ROR1: variants seen among roughly 807,000 people sequenced by gnomAD.
ROR1 encodes the protein inactive tyrosine-protein kinase transmembrane receptor ROR1.
ROR1 carries 19 observed loss-of-function variants against 78.8 expected under a neutral mutation model. The ratio of observed to expected loss-of-function variants is 0.24; its 90% CI spans 0.17 to 0.35. ROR1 has a LOEUF of 0.35. ROR1 is among the 10% of genes least tolerant of loss of function. The probability of loss-of-function intolerance (pLI) is 1.00; values close to 1 mark genes in which losing one functional copy is unlikely to be tolerated. For synonymous variants in ROR1, 386 were observed against 433.6 expected, an observed-to-expected ratio of 0.89 and a Z score of 1.36; for missense variants, 917 against 1,177.8, an observed-to-expected ratio of 0.78 and a Z score of 3.24.
intron 1 of ROR1, among the ~76,000 whole-genome samples, chr1:63,782,871 G>A (rs1644661112): frequency 6.6e-6 from 1 of 152,190 alleles, no homozygotes; most frequent in African/African-American, 2.4e-5. Context: ...CAGCCAGTGA[G>A]TACAGAGTTG....
chr1:63,965,936 A>G (rs1646071224), intron 1 of ROR1, among the ~76,000 whole-genome samples: 2 of 152,342 alleles, frequency 1.3e-5, no homozygotes, highest in South Asian at 4.1e-4. Context: ...GTGATCTTAT[A>G]CAAGTCACTA....
intron 1 of ROR1, among the ~76,000 whole-genome samples, chr1:63,855,720 CT>C (rs1161460337): frequency 6.6e-6 from 1 of 151,224 alleles, no homozygotes; most frequent in Non-Finnish European, 1.5e-5. Flanking sequence ...ATGATCTCGG[CT>C]CACTGCAACC....
chr1:64,041,196 A>T (rs1042008208), intron 2 of ROR1, among the ~76,000 whole-genome samples: 3 of 152,128 alleles, frequency 2.0e-5, no homozygotes, highest in African/African-American at 4.8e-5. Context: ...TCCTATGTAT[A>T]TATACAGGGT....
intron 5 of ROR1, among the ~76,000 whole-genome samples, chr1:64,138,606 C>T (rs1192286284): frequency 2.0e-5 from 3 of 148,262 alleles, no homozygotes; most frequent in South Asian, 2.1e-4. Context: ...AATGCAGTGG[C>T]GCGATCTCGG....
At chr1:64,142,255 G>A in intron 6 of ROR1, 150 bp from the exon 7 acceptor site, 1 of 1,287,854 alleles carries the variant, frequency 7.8e-7, no homozygotes. Flanking sequence ...GCAAAGCAGG[G>A]AGACTGTCCT....
At chr1:63,913,658 C>G (rs1411194644) in intron 1 of ROR1, among the ~76,000 whole-genome samples, 1 of 152,172 alleles carries the variant, frequency 6.6e-6, no homozygotes, top group East Asian at 1.9e-4. Flanking sequence ...CTGAGATTTT[C>G]TTAGCTGCGC....
chr1:64,136,586 C>T lies in ROR1; in HGVS notation c.483-783C>T, dbSNP rs532191033. Among the ~76,000 whole-genome samples, 8 of 152,192 alleles carry T rather than the reference C, an allele frequency of 5.3e-5. 1 individual carries two copies. The South Asian group carries it at 1.7e-3, about 32-fold the overall frequency. Reference sequence around the variant, plus strand: ...TGGGTCTTCATCTCCAGCCTTAGATCTCCAGTCCTTTTACCTGGCACATGA... The same window carrying T: ...TGGGTCTTCATCTCCAGCCTTAGATTTCCAGTCCTTTTACCTGGCACATGA... On this transcript the variant is annotated intron_variant, in intron 4 of 8. Coordinates refer to ENST00000371079, the MANE Select transcript of ROR1 (RefSeq NM_005012.4).
chr1:63,815,986 G>A (rs1324915690), intron 1 of ROR1, among the ~76,000 whole-genome samples: 4 of 152,184 alleles, frequency 2.6e-5, no homozygotes, highest in Non-Finnish European at 5.9e-5. Flanking sequence ...GGAGAGTGAT[G>A]ATGACCCTTC....
chr1:63,956,525 G>A (rs904431940), intron 1 of ROR1, among the ~76,000 whole-genome samples: 3 of 152,160 alleles, frequency 2.0e-5, no homozygotes, highest in Non-Finnish European at 2.9e-5. Flanking sequence ...AACATTGGCT[G>A]TTATTTATTA....
chr1:63,853,896 A>G (rs1645132090), intron 1 of ROR1, among the ~76,000 whole-genome samples: 1 of 152,196 alleles, frequency 6.6e-6, no homozygotes, highest in Admixed American at 6.5e-5. Flanking sequence ...CATTCACTCT[A>G]AGAGATGGAT....
At chr1:63,963,933 G>A (rs1211887386) in intron 1 of ROR1, among the ~76,000 whole-genome samples, 2 of 152,134 alleles carry the variant, frequency 1.3e-5, no homozygotes, top group African/African-American at 4.8e-5. Context: ...TTTTCTGACC[G>A]TGAAGCTACT....
intron 6 of ROR1, among the ~76,000 whole-genome samples, chr1:64,141,437 G>T (rs1569845226): frequency 6.6e-6 from 1 of 152,204 alleles, no homozygotes; most frequent in East Asian, 1.9e-4. Context: ...ACCACGGGGG[G>T]TTTGTGCTAA....
At chr1:63,829,703 G>A (rs573248574) in intron 1 of ROR1, among the ~76,000 whole-genome samples, 4 of 152,302 alleles carry the variant, frequency 2.6e-5, no homozygotes, top group East Asian at 3.9e-4. Flanking sequence ...GATGTGGCTC[G>A]TGATATAGTC....
At chr1:63,809,288 A>G (rs1219017434) in intron 1 of ROR1, among the ~76,000 whole-genome samples, 2 of 152,216 alleles carry the variant, frequency 1.3e-5, no homozygotes, top group East Asian at 1.9e-4. Flanking sequence ...AGATAAACTG[A>G]TGAGTCCCCC....
At chr1:63,876,693 TG>T (rs1366271274) in intron 1 of ROR1, among the ~76,000 whole-genome samples, 1 of 151,586 alleles carries the variant, frequency 6.6e-6, no homozygotes, top group Admixed American at 6.6e-5. Context: ...CGCGTGTGTG[TG>T]TGAGAACATG....
chr1:64,094,581 T>A lies in ROR1; in HGVS notation c.483-42788T>A, dbSNP rs1254655328. On this transcript the variant is annotated intron_variant, in intron 4 of 8. Transcript: ENST00000371079. The stretch of plus-strand genomic sequence containing the variant: ...GTGTGTTTTGTTGTTTTTGTTTTGT[T>A]TTGTTTTGTTTTGTTTTGTTTTGTT... 3.3e-5 allele frequency: 5 copies of A among 152,198 alleles called. No individual in the cohort carries two copies. The South Asian group carries it at 8.4e-4, about 25-fold the overall frequency. The allele number at this position is 152,198 out of a possible 1,614,324, so 9.4% of individuals were successfully genotyped here.
intron 1 of ROR1, among the ~76,000 whole-genome samples, chr1:63,852,269 C>T (rs1260700): frequency 0.17 from 25,603 of 152,154 alleles, 4,588 homozygotes; most frequent in African/African-American, 0.46. Flanking sequence ...TTCACTCTGC[C>T]GGGGCATACA....
At chr1:63,799,410 G>C (rs1043026221) in intron 1 of ROR1, among the ~76,000 whole-genome samples, 7 of 152,146 alleles carry the variant, frequency 4.6e-5, no homozygotes, top group African/African-American at 1.7e-4. Flanking sequence ...TGTTCCCCAG[G>C]CCACTGGAAC....
At chr1:63,924,277 G>T (rs1191205661) in intron 1 of ROR1, among the ~76,000 whole-genome samples, 1 of 152,100 alleles carries the variant, frequency 6.6e-6, no homozygotes, top group Non-Finnish European at 1.5e-5. Flanking sequence ...CCACTAGAAG[G>T]TAACTCTGGC....
Sources: allele counts gnomAD v4.1 joint callset (sites outside exome capture counted in the v4.1 genomes callset), GRCh38; gene constraint gnomAD v4.1.1; transcripts MANE v1.5; gene names NCBI Gene and HGNC (gene_info 2026-07-23, HGNC 2026-07-21).